Variants in CDH19 observed in about 807,000 individuals in gnomAD.
The protein encoded by CDH19 is cadherin-19.
CDH19 carries 67 observed loss-of-function variants against 64.2 expected under a neutral mutation model. The ratio of observed to expected loss-of-function variants is 1.04; its 90% confidence interval spans 0.86 to 1.28. CDH19 has a LOEUF of 1.28. CDH19 is among the 50% of genes most tolerant of loss of function. The pLI is 0.00. For missense variants in CDH19, 1,030 were observed against 929.0 expected (o/e 1.11, Z -1.41); for synonymous variants, 346 against 319.3 (o/e 1.08, Z -0.89).
At chr18:66,512,165 A>T (rs1985523233) in intron 9 of CDH19, among the ~76,000 whole-genome samples, 1 of 151,782 alleles carries the variant, frequency 6.6e-6, no homozygotes, top group African/African-American at 2.4e-5. Flanking sequence ...TTGATTGAGG[A>T]AATAATGCAT....
chr18:66,587,202 C>T (rs929819379), intron 1 of CDH19, among the ~76,000 whole-genome samples: 1 of 152,056 alleles, frequency 6.6e-6, no homozygotes, highest in African/African-American at 2.4e-5. Context: ...ATTGACAAAA[C>T]TTAATGACCA....
intron 1 of CDH19, among the ~76,000 whole-genome samples, chr18:66,586,213 G>T (rs1438142824): frequency 6.6e-6 from 1 of 152,004 alleles, no homozygotes; most frequent in African/African-American, 2.4e-5. Context: ...ATATTGAGTA[G>T]GCGTGGCCAA....
chr18:66,572,005 A>C lies in CDH19; in HGVS notation c.195+5T>G, dbSNP rs1988117918. The C allele has an allele frequency of 6.3e-7, 1 of 1,592,332 alleles. No individual in the cohort carries two copies. On this transcript the variant is annotated splice_donor_5th_base_variant and intron_variant, in intron 2 of 11. Transcript: ENST00000262150. Reference sequence around the variant, plus strand: ...TTTACTGTAACATTTTAAATAAATAAGTACCTGGCCGATGTGATGACTAGT... The same window carrying C: ...TTTACTGTAACATTTTAAATAAATACGTACCTGGCCGATGTGATGACTAGT...
At chr18:66,571,623 A>G (rs1988105023) in intron 2 of CDH19, among the ~76,000 whole-genome samples, 1 of 151,698 alleles carries the variant, frequency 6.6e-6, no homozygotes. Flanking sequence ...AACCTGCTTC[A>G]TTAAAAATGA....
intron 8 of CDH19, among the ~76,000 whole-genome samples, chr18:66,533,584 C>T (rs1986539768): frequency 6.6e-6 from 1 of 151,662 alleles, no homozygotes; most frequent in African/African-American, 2.4e-5. Flanking sequence ...TTTGGTATTA[C>T]TGCACAAAAT....
chr18:66,562,093 C>T (rs1255598534), intron 3 of CDH19, among the ~76,000 whole-genome samples: 1 of 151,822 alleles, frequency 6.6e-6, no homozygotes, highest in Non-Finnish European at 1.5e-5. Context: ...GCACCAGGGA[C>T]CAGTTTCGTG....
intron 1 of CDH19, among the ~76,000 whole-genome samples, chr18:66,586,966 T>C (rs1037736473): frequency 2.6e-5 from 4 of 152,156 alleles, no homozygotes; most frequent in African/African-American, 9.6e-5. Context: ...AGTTACAATA[T>C]GATTTTAGTC....
rs1213125580 is a variant in CDH19, at chr18:66,604,061, TCTC to T, written c.-223_-221del. 3 of 152,106 alleles carry T rather than the reference TCTC, an allele frequency of 2.0e-5. No individual in the cohort carries two copies. Among genetic ancestry groups the T allele is most frequent in the African/African-American group, 7.2e-5 (3 of 41,432 alleles). The allele number at this position is 152,106 out of a possible 1,614,324, so 9.4% of individuals were successfully genotyped here. On this transcript the variant is annotated 5_prime_UTR_variant, in exon 1 of 12. Coordinates refer to ENST00000262150, the MANE Select transcript of CDH19 (RefSeq NM_021153.4). Reference sequence around the variant, plus strand: ...CTTTCTTCTTTTTGCTTCACAGTCTTCTCAGCAAACTCTCGATGTGCCCCATTG... The same window carrying T: ...CTTTCTTCTTTTTGCTTCACAGTCTTAGCAAACTCTCGATGTGCCCCATTG...
At chr18:66,520,275 G>A (rs1255647673) in intron 9 of CDH19, among the ~76,000 whole-genome samples, 1 of 150,522 alleles carries the variant, frequency 6.6e-6, no homozygotes, top group African/African-American at 2.4e-5. Context: ...GTTATTAAAC[G>A]CCTATCTTTT....
chr18:66,574,795 G>A (rs1988218246), intron 1 of CDH19, among the ~76,000 whole-genome samples: 1 of 151,736 alleles, frequency 6.6e-6, no homozygotes, highest in Admixed American at 6.6e-5. Context: ...ACAACGATAT[G>A]TTATATATAG....
At chr18:66,517,436 CA>C (rs1985786424) in intron 9 of CDH19, among the ~76,000 whole-genome samples, 1 of 152,030 alleles carries the variant, frequency 6.6e-6, no homozygotes, top group African/African-American at 2.4e-5. Flanking sequence ...CACCACATGG[CA>C]AAGGCAAATT....
rs1985055950 is a variant in CDH19 at position 66,503,954 on chromosome 18, C to T, written c.*858G>A. Reference sequence around the variant, plus strand: ...TAGGTGTTAAAGTTTTAAAGTTTATCTCTATATAGTATCAGGAACTTAACC... The same window carrying T: ...TAGGTGTTAAAGTTTTAAAGTTTATTTCTATATAGTATCAGGAACTTAACC... On this transcript the variant is annotated 3_prime_UTR_variant, in exon 12 of 12. Transcript: ENST00000262150. The T allele has an allele frequency of 6.6e-6, 1 of 151,848 alleles. No homozygotes were observed. The highest frequency in any genetic ancestry group is 1.5e-5 in the Non-Finnish European group (1 of 67,874). 9.4% of individuals were successfully genotyped at this position (151,848 alleles called of 1,614,324 possible). A position where few individuals can be genotyped will look rare whatever the true frequency, so the allele number is the denominator to read the frequency against.
intron 9 of CDH19, among the ~76,000 whole-genome samples, chr18:66,517,820 G>T (rs1397670801): frequency 6.6e-6 from 1 of 150,828 alleles, no homozygotes; most frequent in Non-Finnish European, 1.5e-5. Flanking sequence ...ATGATATTTT[G>T]GATATATTAT....
chr18:66,582,927 AAAG>A (rs1398934203), intron 1 of CDH19, among the ~76,000 whole-genome samples: 1 of 152,118 alleles, frequency 6.6e-6, no homozygotes, highest in Non-Finnish European at 1.5e-5. Context: ...TCTAAAATGA[AAAG>A]AGATAGATTC....
intron 9 of CDH19, among the ~76,000 whole-genome samples, chr18:66,520,453 A>AT (rs1417510497): frequency 1.4e-5 from 2 of 142,556 alleles, no homozygotes; most frequent in Admixed American, 7.2e-5. Context: ...GAGATAAGGA[A>AT]TTTTTTTCAA....
chr18:66,587,901 T>C lies in CDH19; in HGVS notation c.-112-15585A>G, dbSNP rs374350946. Reference sequence around the variant, plus strand: ...CCATAATGGTACTCATCTGTTCTCTTAGTAATTTGTCTCATAATTCAATGG... The same window carrying C: ...CCATAATGGTACTCATCTGTTCTCTCAGTAATTTGTCTCATAATTCAATGG... On this transcript the variant is annotated intron_variant, in intron 1 of 11. Coordinates refer to ENST00000262150, the MANE Select transcript of CDH19 (RefSeq NM_021153.4). Among the ~76,000 whole-genome samples the C allele has an allele frequency of 4.6e-5, 7 of 152,312 alleles. No homozygotes were observed. In the South Asian group the frequency reaches 1.4e-3, roughly 32 times the overall value.
rs1267497321 is a variant in CDH19, at chr18:66,535,197, T to A, written c.1215-90A>T. The A allele has an allele frequency of 1.6e-5, 11 of 684,860 alleles. No homozygotes were observed. The East Asian group carries it at 3.4e-4, about 21-fold the overall frequency. The allele number at this position is 684,860 out of a possible 1,614,324, so 42.4% of individuals were successfully genotyped here. Reference sequence around the variant, plus strand: ...CTCTTTAAGCAATAAGACATCTTATTCAATGCATGCTCTACATAGCCAATA... The same window carrying A: ...CTCTTTAAGCAATAAGACATCTTATACAATGCATGCTCTACATAGCCAATA... On this transcript the variant is annotated intron_variant, in intron 7 of 11. Transcript: ENST00000262150.
chr18:66,505,074 A>G lies in CDH19; in HGVS notation c.2057T>C (p.Leu686Ser). ...TATGGCACTGTCGGGGCCAACTTGC[A>G]AAGACTGCCTGTATAGGCTCCTGAT... The part of the protein sequence containing the change: ...AEIRSLYRQS[L>S]QVGPDSAIFR... Residue 686 changes from leucine (L) to serine (S), a missense_variant, in exon 12 of 12, where the codon TTG becomes TCG. Physicochemically the swap from Leu to Ser is moderately radical, Grantham distance 145. Transcript: ENST00000262150. 6.2e-7 allele frequency: 1 copy of G among 1,613,738 alleles called. No homozygotes were observed. The highest frequency in any genetic ancestry group is 8.5e-7 in the Non-Finnish European group (1 of 1,179,784).
intron 1 of CDH19, among the ~76,000 whole-genome samples, chr18:66,603,649 T>C (rs1989091105): frequency 6.6e-6 from 1 of 152,072 alleles, no homozygotes. Context: ...GTTGATTCAT[T>C]TATTCTAAGA....
Sources: allele counts gnomAD v4.1 joint callset (sites outside exome capture counted in the v4.1 genomes callset), GRCh38; gene constraint gnomAD v4.1.1; transcripts MANE v1.5; gene names NCBI Gene and HGNC (gene_info 2026-07-23, HGNC 2026-07-21).